Variants in ARL15 observed in about 807,000 individuals in gnomAD.
The protein encoded by ARL15 is ADP-ribosylation factor-like protein 15.
ARL15 carries 19 observed loss-of-function variants against 25.2 expected under a neutral mutation model. That is an observed-to-expected ratio of 0.75 (90% CI 0.53 to 1.10). The LOEUF is 1.10. Ranked by LOEUF, ARL15 falls within the 50% of genes least tolerant of loss-of-function variation. ARL15 has a pLI of 0.00. For missense variants in ARL15, 220 were observed against 246.0 expected (o/e 0.89, Z 0.71); for synonymous variants, 94 against 86.8 (o/e 1.08, Z -0.46).
intron 4 of ARL15, among the ~76,000 whole-genome samples, chr5:53,979,123 G>A (rs1748038363): frequency 6.6e-6 from 1 of 152,194 alleles, no homozygotes; most frequent in South Asian, 2.1e-4. Context: ...AGCACATCTA[G>A]AAGTGAGTGA....
At chr5:53,936,264 T>C (rs1345345336) in intron 4 of ARL15, among the ~76,000 whole-genome samples, 2 of 152,224 alleles carry the variant, frequency 1.3e-5, no homozygotes, top group Non-Finnish European at 2.9e-5. Flanking sequence ...TCGTACTTTA[T>C]GTTTTTTGTG....
chr5:53,942,419 T>C (rs1186263768), intron 4 of ARL15, among the ~76,000 whole-genome samples: 1 of 152,126 alleles, frequency 6.6e-6, no homozygotes, highest in East Asian at 1.9e-4. Context: ...AATGTAGGAC[T>C]CATCAGTTTA....
At chr5:54,128,931 T>A (rs892128727) in intron 3 of ARL15, among the ~76,000 whole-genome samples, 1 of 152,048 alleles carries the variant, frequency 6.6e-6, no homozygotes, top group Admixed American at 6.6e-5. Flanking sequence ...GGTCTCGATT[T>A]CCCAACCTCA....
chr5:54,077,343 A>G (rs913642992), intron 4 of ARL15, among the ~76,000 whole-genome samples: 3 of 152,226 alleles, frequency 2.0e-5, no homozygotes, highest in Non-Finnish European at 4.4e-5. Context: ...CAAGTAGAAA[A>G]TCACCCTCTT....
At chr5:54,141,309 T>C (rs1322659703) in intron 3 of ARL15, among the ~76,000 whole-genome samples, 2 of 152,184 alleles carry the variant, frequency 1.3e-5, no homozygotes, top group South Asian at 2.1e-4. Context: ...AATTCAGCTA[T>C]ATACGATTAC....
chr5:54,068,287 G>C (rs1751309553), intron 4 of ARL15, among the ~76,000 whole-genome samples: 1 of 152,136 alleles, frequency 6.6e-6, no homozygotes, highest in South Asian at 2.1e-4. Context: ...TAGAAGCTAA[G>C]TAAGACCCAA....
intron 4 of ARL15, among the ~76,000 whole-genome samples, chr5:54,098,417 T>C (rs1263272668): frequency 1.3e-5 from 2 of 152,090 alleles, no homozygotes; most frequent in Non-Finnish European, 2.9e-5. Context: ...TGTCTAGCCA[T>C]CCTCCGTCAA....
chr5:53,977,908 T>A (rs908007266), intron 4 of ARL15, among the ~76,000 whole-genome samples: 10 of 151,642 alleles, frequency 6.6e-5, no homozygotes, highest in Middle Eastern at 6.8e-3. Flanking sequence ...TATAAAGTAT[T>A]TTATGTTCTT....
Position 54,275,851 on chromosome 5 carries a change from A to ATT in ARL15, c.48+34579_48+34580dup, listed in dbSNP as rs758344540. On this transcript the variant is annotated intron_variant, in intron 1 of 4. Transcript: ENST00000504924. ...AGGCACCCGCCACCACGCCTGGCTA[A>ATT]TTTTTTTTTTTTTTTTGTATTTTTG... 1.9e-3 allele frequency among the ~76,000 whole-genome samples: 266 copies of ATT among 136,904 alleles called. 2 individuals carry two copies. Among genetic ancestry groups the ATT allele is most frequent in the South Asian group, 6.2e-3 (26 of 4,222 alleles). The allele number at this position is 136,904 out of a possible 152,430, so 89.8% of individuals were successfully genotyped here.
chr5:54,196,204 G>T (rs940523886), intron 1 of ARL15, among the ~76,000 whole-genome samples: 17 of 152,070 alleles, frequency 1.1e-4, no homozygotes, highest in Admixed American at 3.3e-4. Context: ...GACATCAAAA[G>T]TTCTCAACAT....
chr5:53,890,042 C>T (rs1744662579), intron 4 of ARL15, among the ~76,000 whole-genome samples: 1 of 152,040 alleles, frequency 6.6e-6, no homozygotes, highest in South Asian at 2.1e-4. Context: ...CGAACTCTGA[C>T]CTCAGGACAA....
chr5:54,084,616 G>T (rs1208426630), intron 4 of ARL15, among the ~76,000 whole-genome samples: 2 of 152,096 alleles, frequency 1.3e-5, no homozygotes, highest in African/African-American at 4.8e-5. Context: ...AAGTTGTGGG[G>T]AGCCTTCACA....
At chr5:54,054,896 A>G (rs1308393971) in intron 4 of ARL15, among the ~76,000 whole-genome samples, 2 of 152,098 alleles carry the variant, frequency 1.3e-5, no homozygotes, top group Non-Finnish European at 1.5e-5. Flanking sequence ...ACTTCACCGA[A>G]TCTATTTCCA....
At chr5:54,150,381 A>G (rs1754032078) in intron 3 of ARL15, among the ~76,000 whole-genome samples, 1 of 152,242 alleles carries the variant, frequency 6.6e-6, no homozygotes, top group Middle Eastern at 3.2e-3. Flanking sequence ...CAAGAGTTTG[A>G]CTTGAAAGAT....
At chr5:54,272,431 G>A (rs531664014) in intron 1 of ARL15, among the ~76,000 whole-genome samples, 1 of 152,052 alleles carries the variant, frequency 6.6e-6, no homozygotes, top group South Asian at 2.1e-4. Context: ...AAACAAAGTC[G>A]ACCATCCATG....
At chr5:54,121,843 CAT>C (rs1753086253) in intron 3 of ARL15, among the ~76,000 whole-genome samples, 1 of 152,160 alleles carries the variant, frequency 6.6e-6, no homozygotes. Flanking sequence ...TTAATTACCT[CAT>C]AGGATTGTGA....
At chr5:54,106,334 G>T (rs1185566027) in intron 4 of ARL15, among the ~76,000 whole-genome samples, 1 of 152,152 alleles carries the variant, frequency 6.6e-6, no homozygotes, top group African/African-American at 2.4e-5. Context: ...TGAGTAAAGA[G>T]AGAGTAAGGA....
At chr5:54,172,687 T>G (rs1340232555) in intron 1 of ARL15, among the ~76,000 whole-genome samples, 1 of 151,984 alleles carries the variant, frequency 6.6e-6, no homozygotes, top group African/African-American at 2.4e-5. Flanking sequence ...GTGAGGAGAG[T>G]GACAAAGCCA....
chr5:53,911,727 T>C (rs1239514674), intron 4 of ARL15, among the ~76,000 whole-genome samples: 2 of 152,106 alleles, frequency 1.3e-5, no homozygotes, highest in African/African-American at 2.4e-5. Context: ...AATATGTCAT[T>C]CTTATACTTT....
Sources: allele counts gnomAD v4.1 joint callset (sites outside exome capture counted in the v4.1 genomes callset), GRCh38; gene constraint gnomAD v4.1.1; transcripts MANE v1.5; gene names NCBI Gene and HGNC (gene_info 2026-07-23, HGNC 2026-07-21).